Variants in RELN observed in about 807,000 individuals in gnomAD.
The protein encoded by RELN is reelin.
In RELN, 108 loss-of-function variants were observed where a neutral mutation model predicts 427.6. The ratio of observed to expected loss-of-function variants is 0.25; its 90% CI spans 0.22 to 0.30. The LOEUF is 0.30. RELN is among the 10% of genes least tolerant of loss of function. The pLI is 1.00. For synonymous variants in RELN, 1,524 were observed against 1,513.4 expected (o/e 1.01, Z -0.16); for missense variants, 3,715 against 4,302.8 (o/e 0.86, Z 3.82).
intron 3 of RELN, among the ~76,000 whole-genome samples, chr7:103,805,733 T>C (rs1358520681): frequency 6.6e-6 from 1 of 152,188 alleles, no homozygotes; most frequent in East Asian, 1.9e-4. Flanking sequence ...CTACAATTGG[T>C]CCCTTAGTCA....
intron 2 of RELN, among the ~76,000 whole-genome samples, chr7:103,841,371 A>C (rs1320098727): frequency 6.6e-6 from 1 of 152,198 alleles, no homozygotes; most frequent in Non-Finnish European, 1.5e-5. Context: ...GTATCTAGAC[A>C]ACAAATATCA....
chr7:103,827,449 T>C (rs1458101105), intron 3 of RELN, among the ~76,000 whole-genome samples: 1 of 152,060 alleles, frequency 6.6e-6, no homozygotes, highest in Non-Finnish European at 1.5e-5. Flanking sequence ...TCTTCAAGCC[T>C]TCTTGGAGAT....
At chr7:103,695,349 T>C (rs750856176) in intron 10 of RELN, among the ~76,000 whole-genome samples, 4 of 152,108 alleles carry the variant, frequency 2.6e-5, no homozygotes, top group Non-Finnish European at 5.9e-5. Flanking sequence ...AATTTCTACT[T>C]AACGGCCAAG....
intron 2 of RELN, among the ~76,000 whole-genome samples, chr7:103,851,930 T>C (rs1490271566): frequency 2.6e-5 from 4 of 152,308 alleles, no homozygotes. Flanking sequence ...TTTGTCTTGA[T>C]GATAACAGAG....
chr7:103,746,896 C>T (rs549029186), intron 6 of RELN, among the ~76,000 whole-genome samples: 84 of 152,172 alleles, frequency 5.5e-4, no homozygotes, highest in African/African-American at 1.9e-3. Context: ...CCATTTGACC[C>T]AGCCATCCCA....
At chr7:103,909,777 ATAAATATATATATTAAATATATATTAAT>A (rs1563085148) in intron 2 of RELN, among the ~76,000 whole-genome samples, 1 of 95,060 alleles carries the variant, frequency 1.1e-5, no homozygotes, top group African/African-American at 4.8e-5. Flanking sequence ...TTTAATATAT[ATAAATATATATATTAAATATATATTAAT>A]ATATAATATT....
intron 3 of RELN, among the ~76,000 whole-genome samples, chr7:103,792,137 C>A (rs1259402359): frequency 6.6e-6 from 1 of 152,144 alleles, no homozygotes; most frequent in Non-Finnish European, 1.5e-5. Context: ...GGTATAGCCA[C>A]TTTGGAAAAC....
chr7:103,839,299 T>G (rs1793492079), intron 2 of RELN, among the ~76,000 whole-genome samples: 2 of 131,814 alleles, frequency 1.5e-5, no homozygotes, highest in Admixed American at 1.5e-4. Context: ...TACAGTGGTC[T>G]TTGCTTTTTT....
Position 103,650,262 on chromosome 7 carries a change from A to G in RELN, c.2002+12T>C, listed in dbSNP as rs374904882. 11 of 1,493,816 alleles carry G rather than the reference A, an allele frequency of 7.4e-6. No individual in the cohort carries two copies. The highest frequency in any genetic ancestry group is 9.3e-6 in the Non-Finnish European group (10 of 1,070,726). The allele number at this position is 1,493,816 out of a possible 1,614,324, so 92.5% of individuals were successfully genotyped here. On this transcript the variant is annotated intron_variant, in intron 16 of 64. Transcript: ENST00000428762. ...TCAATGGCATGTGATTATGACAGGCATAAACACTAACCATTATCAATTGCC... is the reference window on the plus strand; with the variant it reads ...TCAATGGCATGTGATTATGACAGGCGTAAACACTAACCATTATCAATTGCC...
At chr7:103,516,779 A>G (rs1219607666) in intron 49 of RELN, among the ~76,000 whole-genome samples, 2 of 151,922 alleles carry the variant, frequency 1.3e-5, no homozygotes, top group African/African-American at 4.8e-5. Context: ...ATTTCATTAT[A>G]TTAATTTTGT....
At chr7:103,527,653 T>G (rs979813827) in intron 46 of RELN, among the ~76,000 whole-genome samples, 5 of 152,242 alleles carry the variant, frequency 3.3e-5, no homozygotes, top group Admixed American at 6.5e-5. Flanking sequence ...CTCTGTGATG[T>G]CAGCCCATTT....
intron 1 of RELN, among the ~76,000 whole-genome samples, chr7:103,935,925 C>A (rs1795971728): frequency 6.6e-6 from 1 of 152,120 alleles, no homozygotes; most frequent in African/African-American, 2.4e-5. Context: ...AGTGCAAAAC[C>A]CAAGGACTGT....
chr7:103,955,447 CT>C, intron 1 of RELN, among the ~76,000 whole-genome samples: 1 of 152,246 alleles, frequency 6.6e-6, no homozygotes, highest in Admixed American at 6.5e-5. Context: ...ATGGTTATGA[CT>C]TGGTAATTCC....
intron 1 of RELN, among the ~76,000 whole-genome samples, chr7:103,964,469 A>G (rs762954702): frequency 3.3e-5 from 5 of 152,186 alleles, no homozygotes; most frequent in Non-Finnish European, 7.3e-5. Context: ...CCACCAATGG[A>G]TGATGTCACC....
At chr7:103,631,547 C>T (rs982041663) in intron 19 of RELN, among the ~76,000 whole-genome samples, 4 of 152,034 alleles carry the variant, frequency 2.6e-5, no homozygotes, top group African/African-American at 9.7e-5. Context: ...CTGCCTCGGC[C>T]TCCCAAAGTG....
At chr7:103,723,736 C>T (rs1419389648) in intron 7 of RELN, among the ~76,000 whole-genome samples, 1 of 151,998 alleles carries the variant, frequency 6.6e-6, no homozygotes, top group Non-Finnish European at 1.5e-5. Context: ...ATAATGGTTC[C>T]ATAACTTTGT....
chr7:103,772,897 G>T (rs1791605715), intron 4 of RELN, among the ~76,000 whole-genome samples: 2 of 152,174 alleles, frequency 1.3e-5, no homozygotes. Context: ...AATTGAGATT[G>T]TGAAGGGTTT....
chr7:103,512,330 T>C (rs1218944274), intron 50 of RELN, among the ~76,000 whole-genome samples: 2 of 152,224 alleles, frequency 1.3e-5, no homozygotes, highest in East Asian at 3.8e-4. Flanking sequence ...TCTTATTAAA[T>C]AGATTATTTA....
At chr7:103,634,890 C>T (rs566764400) in intron 19 of RELN, among the ~76,000 whole-genome samples, 2 of 151,890 alleles carry the variant, frequency 1.3e-5, no homozygotes, top group South Asian at 2.1e-4. Flanking sequence ...GAGACAGTCT[C>T]GCTCTGTCGC....
Sources: gnomAD v4.1 joint callset for allele counts (sites outside exome capture counted in the v4.1 genomes callset) on GRCh38, gnomAD v4.1.1 for gene constraint, MANE v1.5 for transcripts, NCBI Gene and HGNC (gene_info 2026-07-23, HGNC 2026-07-21) for gene names.